Variants in VPS26C observed in about 807,000 individuals in gnomAD.
VPS26C encodes the protein vacuolar protein sorting-associated protein 26C.
A neutral mutation model predicts 30.6 loss-of-function variants in VPS26C; 19 were observed. That is an observed-to-expected ratio of 0.62 (90% confidence interval 0.43 to 0.91). The LOEUF is 0.91. Ranked by LOEUF, VPS26C falls within the 40% of genes least tolerant of loss-of-function variation. The probability of loss-of-function intolerance (pLI) is 0.00; values close to 1 mark genes in which losing one functional copy is unlikely to be tolerated. For missense variants in VPS26C, 318 were observed against 385.1 expected, an observed-to-expected ratio of 0.83 and a Z score of 1.46; for synonymous variants, 132 against 151.5, an observed-to-expected ratio of 0.87 and a Z score of 0.95.
chr21:37,259,847 G>A (rs960932789), intron 1 of VPS26C, among the ~76,000 whole-genome samples: 1 of 152,148 alleles, frequency 6.6e-6, no homozygotes, highest in Non-Finnish European at 1.5e-5. Flanking sequence ...GTGTACTAAC[G>A]TAACTAGCAT....
intron 1 of VPS26C, among the ~76,000 whole-genome samples, chr21:37,260,681 T>A (rs2086294994): frequency 6.6e-6 from 1 of 152,154 alleles, no homozygotes; most frequent in Middle Eastern, 3.2e-3. Flanking sequence ...CTTGGACAAT[T>A]TTCTATTATA....
At chr21:37,225,915 G>C (rs1254597155) in intron 7 of VPS26C, 1 of 460,546 alleles carries the variant, frequency 2.2e-6, no homozygotes. Context: ...CTGTCCCTTT[G>C]CTTTCCTAAA....
chr21:37,232,291 A>T (rs1403813373), intron 5 of VPS26C, 86 bp downstream of exon 5: 1 of 1,138,792 alleles, frequency 8.8e-7, no homozygotes, highest in Non-Finnish European at 1.3e-6. Flanking sequence ...TGATTTCCAA[A>T]TGAAGACCAC....
intron 1 of VPS26C, among the ~76,000 whole-genome samples, chr21:37,262,913 G>A (rs1267169184): frequency 3.3e-5 from 5 of 151,732 alleles, no homozygotes; most frequent in South Asian, 2.1e-4. Flanking sequence ...GATTACAGGC[G>A]TGCACCACAC....
At chr21:37,244,701 CA>C (rs2086119556) in intron 1 of VPS26C, among the ~76,000 whole-genome samples, 1 of 152,148 alleles carries the variant, frequency 6.6e-6, no homozygotes, top group South Asian at 2.1e-4. Context: ...GAATGAGAAC[CA>C]AAACCACAAA....
At position 37,230,029 on chromosome 21, in the gene VPS26C, G is replaced by T. The variant is rs1241539922; in HGVS notation, c.508-1656C>A. Among the ~76,000 whole-genome samples the T allele has an allele frequency of 2.6e-5, 4 of 152,086 alleles. No individual in the cohort carries two copies. The East Asian group carries it at 7.7e-4, about 29-fold the overall frequency. On this transcript the variant is annotated intron_variant, in intron 5 of 7. Transcript: ENST00000309117. Reference sequence around the variant, plus strand: ...CTACGATCGCATGCCACCACACCCAGCTAATTTTTACATTTTTCTTTTGTA... The same window carrying T: ...CTACGATCGCATGCCACCACACCCATCTAATTTTTACATTTTTCTTTTGTA...
chr21:37,231,083 G>A (rs2148284320), intron 5 of VPS26C, among the ~76,000 whole-genome samples: 1 of 152,312 alleles, frequency 6.6e-6, no homozygotes, highest in African/African-American at 2.4e-5. Context: ...TGAGGACCAG[G>A]AGAACAGGTT....
Position 37,243,829 on chromosome 21 carries a change from C to T in VPS26C, c.58-3190G>A, listed in dbSNP as rs1233566724. ...ATTCCTGGCAAACAACTTTGTATCA[C>T]CCCACTCCGTGTCCCCCTTTCTTTG... On this transcript the variant is annotated intron_variant, in intron 1 of 7. Transcript: ENST00000309117. Among the ~76,000 whole-genome samples the T allele has an allele frequency of 2.6e-5, 4 of 152,210 alleles. No homozygotes were observed. The East Asian group carries it at 7.7e-4, about 29-fold the overall frequency.
At chr21:37,262,532 G>A (rs140772555) in intron 1 of VPS26C, among the ~76,000 whole-genome samples, 1 of 152,192 alleles carries the variant, frequency 6.6e-6, no homozygotes, top group East Asian at 1.9e-4. Context: ...ACATACATTG[G>A]CTGAATGAAG....
chr21:37,240,581 A>G lies in VPS26C; in HGVS notation c.116T>C (p.Val39Ala). 6.2e-7 allele frequency: 1 copy of G among 1,614,004 alleles called. No homozygotes were observed. The highest frequency in any genetic ancestry group is 1.7e-5 in the Admixed American group (1 of 59,988). The change falls in exon 2 of 8, where the codon GTG becomes GCG. Residue 39 changes from valine to alanine, a missense_variant. Transcript: ENST00000309117. ...TACAGTTCCTTCCATGGTCAAAGAC[A>G]CTCCCTGGTGTTGGACTGAATCCTT... ...SSKDSVQHQGVSLTMEGTVNL... is the reference protein window; with the variant it reads ...SSKDSVQHQGASLTMEGTVNL...
At chr21:37,244,556 C>A (rs920177776) in intron 1 of VPS26C, among the ~76,000 whole-genome samples, 1 of 152,190 alleles carries the variant, frequency 6.6e-6, no homozygotes, top group Admixed American at 6.5e-5. Flanking sequence ...ATGTAAAAGG[C>A]CACTACCAAA....
At chr21:37,248,877 GCAACTTAAAA>G (rs2086164523) in intron 1 of VPS26C, among the ~76,000 whole-genome samples, 1 of 152,062 alleles carries the variant, frequency 6.6e-6, no homozygotes, top group Non-Finnish European at 1.5e-5. Context: ...CAATCCAGTA[GCAACTTAAAA>G]CAACACTATA....
chr21:37,266,296 C>CT (rs1373293943), intron 1 of VPS26C, among the ~76,000 whole-genome samples: 1 of 152,162 alleles, frequency 6.6e-6, no homozygotes, highest in Non-Finnish European at 1.5e-5. Context: ...CCCTAGTTGT[C>CT]TTTTGCCCAA....
At chr21:37,231,041 C>T (rs1415358555) in intron 5 of VPS26C, among the ~76,000 whole-genome samples, 2 of 152,190 alleles carry the variant, frequency 1.3e-5, no homozygotes, top group Non-Finnish European at 2.9e-5. Context: ...ACGTGCCACA[C>T]CCAGGGCAGA....
chr21:37,245,530 C>T (rs2086129085), intron 1 of VPS26C, among the ~76,000 whole-genome samples: 1 of 152,154 alleles, frequency 6.6e-6, no homozygotes, highest in East Asian at 1.9e-4. Context: ...CTCCCTAGCA[C>T]TCATTATCCC....
intron 1 of VPS26C, among the ~76,000 whole-genome samples, chr21:37,251,493 C>T (rs996343959): frequency 1.3e-5 from 2 of 152,132 alleles, no homozygotes; most frequent in Non-Finnish European, 2.9e-5. Flanking sequence ...AAAATTTAAG[C>T]TGTATATTGC....
At chr21:37,266,540 C>T (rs1318320044) in intron 1 of VPS26C, among the ~76,000 whole-genome samples, 1 of 152,044 alleles carries the variant, frequency 6.6e-6, no homozygotes, top group African/African-American at 2.4e-5. Flanking sequence ...TGAGATTCCC[C>T]GAGTTAGAGG....
chr21:37,259,328 G>A (rs2835686), intron 1 of VPS26C, among the ~76,000 whole-genome samples: 51,427 of 151,770 alleles, frequency 0.34, 9,163 homozygotes, highest in East Asian at 0.51. Context: ...CCCAATTAAG[G>A]TAGTATTGAG....
At chr21:37,263,597 C>T (rs2086327337) in intron 1 of VPS26C, among the ~76,000 whole-genome samples, 1 of 152,186 alleles carries the variant, frequency 6.6e-6, no homozygotes, top group Non-Finnish European at 1.5e-5. Flanking sequence ...CTGTCAAACC[C>T]TACCCCAGAA....
Sources: gnomAD v4.1 joint callset for allele counts (sites outside exome capture counted in the v4.1 genomes callset) on GRCh38, gnomAD v4.1.1 for gene constraint, MANE v1.5 for transcripts, NCBI Gene and HGNC (gene_info 2026-07-23, HGNC 2026-07-21) for gene names.